The following MPPED2 variants were observed in gnomAD, a reference collection of about 807,000 sequenced individuals.
MPPED2 encodes metallophosphoesterase MPPED2.
MPPED2 carries 5 observed loss-of-function variants against 33.0 expected under a neutral mutation model. The ratio of observed to expected loss-of-function variants is 0.15; its 90% CI spans 0.08 to 0.32. MPPED2 has a LOEUF of 0.32. Among genes scored for constraint, MPPED2 ranks in the 10% least tolerant of loss-of-function variants. The probability of loss-of-function intolerance (pLI) is 1.00; values close to 1 mark genes in which losing one functional copy is unlikely to be tolerated. For synonymous variants in MPPED2, 136 were observed against 141.9 expected, an observed-to-expected ratio of 0.96 and a Z score of 0.29; for missense variants, 275 against 372.1, an observed-to-expected ratio of 0.74 and a Z score of 2.15.
intron 2 of MPPED2, among the ~76,000 whole-genome samples, chr11:30,559,670 A>G (rs1175868759): frequency 6.6e-6 from 1 of 152,080 alleles, no homozygotes; most frequent in East Asian, 1.9e-4. Flanking sequence ...TTTGAAAGTT[A>G]TTTTTTTAAT....
intron 5 of MPPED2, among the ~76,000 whole-genome samples, chr11:30,416,657 G>T (rs1948373960): frequency 6.6e-6 from 1 of 152,120 alleles, no homozygotes; most frequent in South Asian, 2.1e-4. Flanking sequence ...ATGTGTGTGT[G>T]TTTAGCCACA....
chr11:30,550,349 A>G (rs1955641952), intron 2 of MPPED2, among the ~76,000 whole-genome samples: 1 of 152,272 alleles, frequency 6.6e-6, no homozygotes. Context: ...ACCCATTTCA[A>G]TGACTGCAGC....
chr11:30,421,436 T>C (rs1237065357), intron 4 of MPPED2, among the ~76,000 whole-genome samples: 1 of 150,712 alleles, frequency 6.6e-6, no homozygotes, highest in Admixed American at 6.6e-5. Context: ...TCAACTCAGA[T>C]CCATATGTGT....
At chr11:30,541,076 G>A (rs1421409380) in intron 2 of MPPED2, among the ~76,000 whole-genome samples, 1 of 152,154 alleles carries the variant, frequency 6.6e-6, no homozygotes, top group African/African-American at 2.4e-5. Flanking sequence ...TGGCACTGCT[G>A]AACAAATTGG....
At chr11:30,462,190 G>A (rs1258897284) in intron 4 of MPPED2, among the ~76,000 whole-genome samples, 1 of 152,168 alleles carries the variant, frequency 6.6e-6, no homozygotes, top group Non-Finnish European at 1.5e-5. Flanking sequence ...ATTACCTCCT[G>A]CTTTCCAGGG....
chr11:30,514,396 T>C (rs898142373), intron 3 of MPPED2, among the ~76,000 whole-genome samples: 3 of 152,186 alleles, frequency 2.0e-5, no homozygotes, highest in Non-Finnish European at 2.9e-5. Context: ...GCAGTCATTC[T>C]CAAACCTTTG....
intron 4 of MPPED2, among the ~76,000 whole-genome samples, chr11:30,437,328 T>C (rs1590260435): frequency 6.6e-6 from 1 of 152,280 alleles, no homozygotes; most frequent in East Asian, 1.9e-4. Flanking sequence ...TCTTTGCAAA[T>C]ACGTAAAAGT....
rs1429295694 is a variant in MPPED2, at chr11:30,411,317, TAAG to T, written c.*148_*150del. ...ATGCCCCATTTAAAATAAAATAAAATAAGAAGCACAACCTCTAGCATCATTTGT... is the reference window on the plus strand; with the variant it reads ...ATGCCCCATTTAAAATAAAATAAAATAAGCACAACCTCTAGCATCATTTGT... On this transcript the variant is annotated 3_prime_UTR_variant, in exon 7 of 7. Transcript: ENST00000358117. 2 of 1,274,654 alleles carry T rather than the reference TAAG, an allele frequency of 1.6e-6. No individual in the cohort carries two copies. The highest frequency in any genetic ancestry group is 2.0e-6 in the Non-Finnish European group (2 of 1,001,520). 79.0% of individuals were successfully genotyped at this position (1,274,654 alleles called of 1,614,324 possible).
chr11:30,447,045 A>T (rs989618697), intron 4 of MPPED2, among the ~76,000 whole-genome samples: 1 of 152,316 alleles, frequency 6.6e-6, no homozygotes, highest in East Asian at 1.9e-4. Context: ...ATTTTATTTG[A>T]TAACATTAAA....
chr11:30,521,215 C>T (rs1204641399), intron 3 of MPPED2, among the ~76,000 whole-genome samples: 1 of 151,486 alleles, frequency 6.6e-6, no homozygotes, highest in African/African-American at 2.4e-5. Flanking sequence ...CCAGTATTCA[C>T]AGAAATCCTG....
chr11:30,386,187 G>T (rs901660191), exon 7 of MPPED2: 1 of 152,282 alleles, frequency 6.6e-6, no homozygotes, highest in East Asian at 1.9e-4. Flanking sequence ...ATATGAGCAG[G>T]CTGTGGAGCA....
At chr11:30,586,452 T>C (rs1957474040), upstream of MPPED2, among the ~76,000 whole-genome samples, 1 of 151,866 alleles carries the variant, frequency 6.6e-6, no homozygotes, top group South Asian at 2.1e-4. This position sits in a 1 kb window ranked among gnomAD's most constrained non-coding sequence, Gnocchi z 4.8. Context: ...CCCGCGCCCC[T>C]GCACGCCCCT....
In MPPED2 at chr11:30,488,845, G is replaced by A. The variant is rs116317287; in HGVS notation, c.536+6451C>T. 1.7e-3 allele frequency among the ~76,000 whole-genome samples: 245 copies of A among 146,380 alleles called. 1 individual carries two copies. The highest frequency in any genetic ancestry group is 5.8e-3 in the African/African-American group (230 of 39,834). On this transcript the variant is annotated intron_variant, in intron 4 of 6. Transcript: ENST00000358117. ...TTAAACAGAATCATGTAAGAGCAGA[G>A]TGCATATTTGTTTAACACACACACA...
chr11:30,533,700 A>G (rs1238657798), intron 3 of MPPED2, among the ~76,000 whole-genome samples: 1 of 151,972 alleles, frequency 6.6e-6, no homozygotes, highest in Non-Finnish European at 1.5e-5. Context: ...TTCTCTAACC[A>G]TATCCCAGGG....
At chr11:30,571,781 T>G (rs867536446) in intron 2 of MPPED2, among the ~76,000 whole-genome samples, 4 of 152,324 alleles carry the variant, frequency 2.6e-5, no homozygotes, top group Middle Eastern at 3.4e-3. Flanking sequence ...GCAGTAGATT[T>G]AGCAGCATTA....
intron 2 of MPPED2, among the ~76,000 whole-genome samples, chr11:30,539,642 A>G (rs568060601): frequency 1.3e-5 from 2 of 152,056 alleles, no homozygotes; most frequent in Non-Finnish European, 2.9e-5. Flanking sequence ...TTTGTTTGAG[A>G]CAGGATCTCG....
intron 3 of MPPED2, among the ~76,000 whole-genome samples, chr11:30,534,968 G>T (rs2134475403): frequency 6.6e-6 from 1 of 152,196 alleles, no homozygotes; most frequent in Non-Finnish European, 1.5e-5. Flanking sequence ...AATGAAAACA[G>T]CCAAAAGTCA....
At chr11:30,433,214 T>C (rs967968548) in intron 4 of MPPED2, among the ~76,000 whole-genome samples, 2 of 152,242 alleles carry the variant, frequency 1.3e-5, no homozygotes, top group African/African-American at 4.8e-5. Context: ...GAAATGTTCC[T>C]GCATTTTCCC....
intron 4 of MPPED2, among the ~76,000 whole-genome samples, chr11:30,421,818 C>A (rs1948629606): frequency 6.6e-6 from 1 of 152,190 alleles, no homozygotes. Context: ...GTGTACTGTA[C>A]AGCTCCAAGA....
Sources: gnomAD v4.1 joint callset for allele counts (sites outside exome capture counted in the v4.1 genomes callset) on GRCh38, gnomAD v4.1.1 for gene constraint, Gnocchi (gnomAD v3.1) non-coding constraint, MANE v1.5 for transcripts, NCBI Gene and HGNC (gene_info 2026-07-23, HGNC 2026-07-21) for gene names.